Variants in WDR89 observed in about 807,000 individuals in gnomAD.
WDR89 encodes WD repeat domain 89.
A neutral mutation model predicts 29.1 loss-of-function variants in WDR89; 17 were observed. That is an observed-to-expected ratio of 0.58 (90% CI 0.40 to 0.88). The LOEUF is 0.88. Ranked by LOEUF, WDR89 falls within the 40% of genes least tolerant of loss-of-function variation. The probability of loss-of-function intolerance (pLI) is 0.00; values close to 1 mark genes in which losing one functional copy is unlikely to be tolerated. For synonymous variants in WDR89, 138 were observed against 157.8 expected, an observed-to-expected ratio of 0.87 and a Z score of 0.94; for missense variants, 396 against 456.3, an observed-to-expected ratio of 0.87 and a Z score of 1.20.
In WDR89 at chr14:63,635,885, C is replaced by T. The variant is rs188302318; in HGVS notation, c.-138+5919G>A. ...AACTCAACCCCTTTTACAATAGCTGCAAAAACAAACAAACAAACAAAACTT... is the reference window on the plus strand; with the variant it reads ...AACTCAACCCCTTTTACAATAGCTGTAAAAACAAACAAACAAACAAAACTT... On this transcript the variant is annotated intron_variant, in intron 1 of 2. Transcript: ENST00000620954. Among the ~76,000 whole-genome samples, 521 of 152,238 alleles carry T rather than the reference C, an allele frequency of 3.4e-3. 1 individual carries two copies. Among genetic ancestry groups the T allele is most frequent in the African/African-American group, 0.012 (498 of 41,544 alleles).
chr14:63,599,551 C>G lies in WDR89; in HGVS notation c.392G>C (p.Cys131Ser). 1 of 1,614,110 alleles carries G rather than the reference C, an allele frequency of 6.2e-7. No individual in the cohort carries two copies. The highest frequency in any genetic ancestry group is 8.5e-7 in the Non-Finnish European group (1 of 1,180,020). Reference sequence around the variant, plus strand: ...ATCATCAACTTTTTCTGTACCAGCACAAATAATATGATCATTACAATTAAT... The same window carrying G: ...ATCATCAACTTTTTCTGTACCAGCAGAAATAATATGATCATTACAATTAAT... ...FDINCNDHII[C>S]AGTEKVDDDA... The change falls in exon 3 of 3, where the codon TGT (cysteine) becomes TCT (serine). Residue 131 changes from cysteine to serine, a missense_variant. Transcript: ENST00000620954.
At chr14:63,606,583 G>A (rs552578168) in intron 2 of WDR89, among the ~76,000 whole-genome samples, 7 of 152,190 alleles carry the variant, frequency 4.6e-5, no homozygotes, top group African/African-American at 7.2e-5. Flanking sequence ...AGGTCATACC[G>A]TACAGCTCAA....
At chr14:63,632,060 C>T (rs574585628) in intron 1 of WDR89, among the ~76,000 whole-genome samples, 2 of 150,952 alleles carry the variant, frequency 1.3e-5, no homozygotes, top group African/African-American at 4.9e-5. Context: ...TGCAGTGAGC[C>T]GACAGTGCAC....
intron 1 of WDR89, among the ~76,000 whole-genome samples, chr14:63,637,558 GTGTGTGTGTATATATA>G (rs1348899639): frequency 7.9e-5 from 12 of 152,160 alleles, no homozygotes; most frequent in African/African-American, 2.6e-4. Context: ...TGGTGGGTGT[GTGTGTGTGTATATATA>G]TGTGTGTGTA....
At chr14:63,616,664 A>G (rs1399879564) in intron 2 of WDR89, among the ~76,000 whole-genome samples, 1 of 152,204 alleles carries the variant, frequency 6.6e-6, no homozygotes, top group Non-Finnish European at 1.5e-5. Flanking sequence ...GAAAGAAAGA[A>G]GGGTGTAGAA....
intron 2 of WDR89, among the ~76,000 whole-genome samples, chr14:63,613,161 G>A (rs1013147285): frequency 4.6e-5 from 7 of 152,252 alleles, no homozygotes; most frequent in East Asian, 1.9e-4. Context: ...GAAAGGAGTC[G>A]CAGCCTACCA....
intron 2 of WDR89, among the ~76,000 whole-genome samples, chr14:63,603,444 A>G (rs1211174606): frequency 6.6e-6 from 1 of 152,206 alleles, no homozygotes; most frequent in African/African-American, 2.4e-5. Context: ...CTTTCATCCA[A>G]AGAGTTCAGG....
At chr14:63,630,106 C>T (rs1380503444) in intron 1 of WDR89, among the ~76,000 whole-genome samples, 2 of 151,982 alleles carry the variant, frequency 1.3e-5, no homozygotes, top group African/African-American at 2.4e-5. Context: ...TGCCACCATG[C>T]CCGGCTAATT....
intron 2 of WDR89, among the ~76,000 whole-genome samples, chr14:63,623,904 G>C (rs1236344051): frequency 2.0e-5 from 3 of 151,782 alleles, no homozygotes; most frequent in African/African-American, 7.3e-5. Context: ...GAAATGGATA[G>C]AAAAAAGATA....
Position 63,599,549 on chromosome 14 carries a change from C to A in WDR89, c.394G>T (p.Ala132Ser), listed in dbSNP as rs770642898. Residue 132 changes from alanine to serine, a missense_variant, in exon 3 of 3, where the codon GCT becomes TCT. Coordinates refer to ENST00000620954, the MANE Select transcript of WDR89 (RefSeq NM_080666.4). ...TCATCATCAACTTTTTCTGTACCAG[C>A]ACAAATAATATGATCATTACAATTA... ...DINCNDHIIC[A>S]GTEKVDDDAL... The A allele has an allele frequency of 7.4e-6, 12 of 1,614,112 alleles. No homozygotes were observed. The highest frequency in any genetic ancestry group is 9.3e-6 in the Non-Finnish European group (11 of 1,180,022).
intron 2 of WDR89, among the ~76,000 whole-genome samples, chr14:63,606,784 C>T (rs954581385): frequency 1.3e-5 from 2 of 152,156 alleles, no homozygotes; most frequent in Non-Finnish European, 2.9e-5. Flanking sequence ...ATCATTTAAC[C>T]CTATGAGGCA....
intron 2 of WDR89, among the ~76,000 whole-genome samples, chr14:63,623,805 G>A (rs923733305): frequency 6.6e-6 from 1 of 151,764 alleles, no homozygotes; most frequent in Non-Finnish European, 1.5e-5. Context: ...TTGTCAGGAT[G>A]GGGGTGGTGG....
intron 2 of WDR89, among the ~76,000 whole-genome samples, chr14:63,612,402 TG>T (rs2139517423): frequency 6.6e-6 from 1 of 151,214 alleles, no homozygotes; most frequent in African/African-American, 2.4e-5. Flanking sequence ...CTCTGCTCAC[TG>T]CAACCTCTGC....
At chr14:63,609,754 C>T (rs903217028) in intron 2 of WDR89, among the ~76,000 whole-genome samples, 8 of 151,798 alleles carry the variant, frequency 5.3e-5, no homozygotes, top group East Asian at 1.9e-4. Context: ...CGCGCCACTG[C>T]ACTCCAGGCT....
intron 1 of WDR89, among the ~76,000 whole-genome samples, chr14:63,629,706 A>G (rs1208849808): frequency 6.6e-6 from 1 of 152,214 alleles, no homozygotes; most frequent in Non-Finnish European, 1.5e-5. Flanking sequence ...CATTGAAGCA[A>G]GCAGCAGGGC....
chr14:63,632,789 T>G (rs1883493644), intron 1 of WDR89, among the ~76,000 whole-genome samples: 1 of 152,070 alleles, frequency 6.6e-6, no homozygotes, highest in African/African-American at 2.4e-5. Context: ...ACCAGAAAAG[T>G]AGCCAAATGA....
At chr14:63,605,085 G>A (rs1227363833) in intron 2 of WDR89, among the ~76,000 whole-genome samples, 2 of 152,026 alleles carry the variant, frequency 1.3e-5, no homozygotes, top group Non-Finnish European at 2.9e-5. Context: ...GGAGGCTGAG[G>A]CTGCAGGGAG....
intron 2 of WDR89, among the ~76,000 whole-genome samples, chr14:63,620,170 A>C (rs1333567512): frequency 6.6e-6 from 1 of 152,178 alleles, no homozygotes; most frequent in Non-Finnish European, 1.5e-5. Context: ...TACAAAAATT[A>C]GCCGAGCGTG....
intron 1 of WDR89, among the ~76,000 whole-genome samples, chr14:63,640,666 G>A (rs909147950): frequency 1.3e-5 from 2 of 151,434 alleles, no homozygotes; most frequent in Admixed American, 1.3e-4. Flanking sequence ...TAGTAGAGAC[G>A]GGGGTTTCAC....
Sources: gnomAD v4.1 joint callset for allele counts (sites outside exome capture counted in the v4.1 genomes callset) on GRCh38, gnomAD v4.1.1 for gene constraint, MANE v1.5 for transcripts, NCBI Gene and HGNC (gene_info 2026-07-23, HGNC 2026-07-21) for gene names.